The following RPAP2 variants were observed in gnomAD, a reference collection of about 807,000 sequenced individuals.
The protein encoded by RPAP2 is putative RNA polymerase II subunit B1 CTD phosphatase RPAP2.
Under a neutral mutation model 73.1 loss-of-function variants are expected in RPAP2, and 52 were observed. The observed-to-expected ratio is 0.71, with a 90% CI of 0.57 to 0.90. The LOEUF (loss-of-function observed/expected upper bound fraction) is 0.90. RPAP2 is among the 40% of genes least tolerant of loss of function. The pLI, the probability that RPAP2 is intolerant of heterozygous loss-of-function variation, is 0.00. For synonymous variants in RPAP2, 225 were observed against 242.1 expected, an observed-to-expected ratio of 0.93 and a Z score of 0.65; for missense variants, 598 against 701.8, an observed-to-expected ratio of 0.85 and a Z score of 1.67.
chr1:92,360,397 C>T (rs1052722116), intron 11 of RPAP2, among the ~76,000 whole-genome samples: 4 of 152,082 alleles, frequency 2.6e-5, no homozygotes, highest in Non-Finnish European at 5.9e-5. Flanking sequence ...GGGCACTAGA[C>T]GGAGCAAATG....
Position 92,395,903 on chromosome 1 carries a change from T to C in RPAP2, c.*8892T>C, listed in dbSNP as rs2101472899. The C allele has an allele frequency of 6.6e-6, 1 of 152,310 alleles. No individual in the cohort carries two copies. The highest frequency in any genetic ancestry group is 6.5e-5 in the Admixed American group (1 of 15,286). The allele number at this position is 152,310 out of a possible 1,614,324, so 9.4% of individuals were successfully genotyped here. A position where few individuals can be genotyped will look rare whatever the true frequency, so the allele number is the denominator to read the frequency against. Reference sequence around the variant, plus strand: ...AAGTTAAAAGCAAAATTAGATACCATTTTGGACCCACTAAAATGACTATAA... The same window carrying C: ...AAGTTAAAAGCAAAATTAGATACCACTTTGGACCCACTAAAATGACTATAA... On this transcript the variant is annotated 3_prime_UTR_variant, in exon 13 of 13. Coordinates refer to ENST00000610020, the MANE Select transcript of RPAP2 (RefSeq NM_024813.3).
intron 11 of RPAP2, among the ~76,000 whole-genome samples, chr1:92,353,596 T>C (rs1231787532): frequency 6.6e-6 from 1 of 152,224 alleles, no homozygotes; most frequent in African/African-American, 2.4e-5. Flanking sequence ...GGTATTCTTT[T>C]GGATTCCTCA....
At chr1:92,371,319 A>AAATATATATATATAT (rs1199565882) in intron 11 of RPAP2, among the ~76,000 whole-genome samples, 1 of 61,726 alleles carries the variant, frequency 1.6e-5, no homozygotes, top group African/African-American at 7.2e-5. Flanking sequence ...AAAAAAAAAA[A>AAATATATATATATAT]ATATATATAT....
rs959653912 is a variant in RPAP2, at chr1:92,393,991, A to T, written c.*6980A>T. ...CCACTATTGGGCATATACCCAAAAG[A>T]TTATAAATCATTCTACAATAAAGAC... On this transcript the variant is annotated 3_prime_UTR_variant, in exon 13 of 13. Coordinates refer to ENST00000610020, the MANE Select transcript of RPAP2 (RefSeq NM_024813.3). The T allele has an allele frequency of 2.0e-5, 3 of 152,210 alleles. No homozygotes were observed. Among genetic ancestry groups the T allele is most frequent in the African/African-American group, 7.2e-5 (3 of 41,446 alleles). The allele number at this position is 152,210 out of a possible 1,614,324, so 9.4% of individuals were successfully genotyped here. A position where few individuals can be genotyped will look rare whatever the true frequency, so the allele number is the denominator to read the frequency against.
At chr1:92,328,122 A>G (rs949569241) in intron 8 of RPAP2, among the ~76,000 whole-genome samples, 2 of 152,170 alleles carry the variant, frequency 1.3e-5, no homozygotes, top group African/African-American at 4.8e-5. Flanking sequence ...TAACCTGATG[A>G]CTATGTGCCG....
At chr1:92,343,113 C>T (rs1216935415) in intron 10 of RPAP2, among the ~76,000 whole-genome samples, 3 of 151,052 alleles carry the variant, frequency 2.0e-5, no homozygotes. Flanking sequence ...GACCTAAGGC[C>T]AGAGGCCCTG....
At chr1:92,364,484 A>C (rs970581694) in intron 11 of RPAP2, among the ~76,000 whole-genome samples, 19 of 152,182 alleles carry the variant, frequency 1.2e-4, no homozygotes, top group African/African-American at 4.6e-4. Context: ...ATCTCTCCTA[A>C]ATCGTAGACC....
intron 11 of RPAP2, among the ~76,000 whole-genome samples, chr1:92,347,959 G>T (rs1206263081): frequency 6.6e-6 from 1 of 151,860 alleles, no homozygotes; most frequent in Non-Finnish European, 1.5e-5. Context: ...GCCCAGGCTG[G>T]AGTGCAATGG....
At chr1:92,321,447 C>T (rs2101166716) in intron 7 of RPAP2, among the ~76,000 whole-genome samples, 1 of 151,968 alleles carries the variant, frequency 6.6e-6, no homozygotes, top group South Asian at 2.1e-4. Context: ...CCATCCATGA[C>T]CTTGCTTTCA....
Position 92,307,196 on chromosome 1 carries a change from C to T in RPAP2, c.408C>T (p.Cys136=), listed in dbSNP as rs1651302168. 1 of 1,609,108 alleles carries T rather than the reference C, an allele frequency of 6.2e-7. No homozygotes were observed. The highest frequency in any genetic ancestry group is 1.7e-5 in the Admixed American group (1 of 59,400). ...TATAATGTTCTTTTCAGTCTTTTTG[C>T]AGCAATTTTTGTTATCAAGCATCTA... The part of the protein sequence containing the change: ...VYDITERKSF[C]SNFCYQASKF... The change falls in exon 6 of 13, where the codon TGC becomes TGT. Residue 136 remains cysteine (C), a synonymous_variant. Transcript: ENST00000610020.
At chr1:92,351,648 C>G (rs1654224472) in intron 11 of RPAP2, among the ~76,000 whole-genome samples, 1 of 152,094 alleles carries the variant, frequency 6.6e-6, no homozygotes, top group Non-Finnish European at 1.5e-5. Context: ...CACAAGAGGT[C>G]ACTGTGCTGA....
intron 11 of RPAP2, among the ~76,000 whole-genome samples, chr1:92,356,460 C>T (rs1184054039): frequency 2.0e-5 from 3 of 151,908 alleles, no homozygotes; most frequent in Non-Finnish European, 4.4e-5. Context: ...CTCTATCACC[C>T]AGGCTGCAGT....
chr1:92,376,028 T>G (rs1366623346), intron 11 of RPAP2, among the ~76,000 whole-genome samples: 1 of 151,656 alleles, frequency 6.6e-6, no homozygotes, highest in Non-Finnish European at 1.5e-5. Flanking sequence ...ATTAAAATAT[T>G]CAGGGAAAGA....
intron 12 of RPAP2, among the ~76,000 whole-genome samples, chr1:92,384,062 G>A (rs940828263): frequency 2.6e-5 from 4 of 151,492 alleles, no homozygotes; most frequent in African/African-American, 7.3e-5. Context: ...CAGTTCAAGC[G>A]ATTCTCCTGC....
chr1:92,308,281 C>T (rs1333763440), intron 6 of RPAP2, among the ~76,000 whole-genome samples: 4 of 152,138 alleles, frequency 2.6e-5, no homozygotes, highest in Non-Finnish European at 5.9e-5. Flanking sequence ...ATAATTAAGA[C>T]TAAATTGTTC....
intron 11 of RPAP2, among the ~76,000 whole-genome samples, chr1:92,355,648 T>C (rs1040109624): frequency 6.6e-6 from 1 of 152,180 alleles, no homozygotes; most frequent in Non-Finnish European, 1.5e-5. Context: ...CCAAGATGCC[T>C]TCTCTTTCTA....
intron 3 of RPAP2, among the ~76,000 whole-genome samples, chr1:92,303,317 AC>A (rs1650991358): frequency 6.6e-6 from 1 of 152,226 alleles, no homozygotes. Flanking sequence ...CATAAAACTT[AC>A]ATCACTCTCA....
intron 11 of RPAP2, among the ~76,000 whole-genome samples, chr1:92,351,450 A>G (rs1156458636): frequency 1.3e-5 from 2 of 152,194 alleles, no homozygotes; most frequent in Non-Finnish European, 2.9e-5. Flanking sequence ...CTGAAAGTAA[A>G]GAATCACTTT....
chr1:92,350,915 G>A (rs998189242), intron 11 of RPAP2, among the ~76,000 whole-genome samples: 1 of 150,364 alleles, frequency 6.7e-6, no homozygotes, highest in Admixed American at 6.6e-5. Flanking sequence ...CTGGGCGACA[G>A]AGCAAGACTC....
Sources: allele counts gnomAD v4.1 joint callset (sites outside exome capture counted in the v4.1 genomes callset), GRCh38; gene constraint gnomAD v4.1.1; transcripts MANE v1.5; gene names NCBI Gene and HGNC (gene_info 2026-07-23, HGNC 2026-07-21).